Variants in TMEM108 observed in about 807,000 individuals in gnomAD.
TMEM108 encodes the protein cancer/testis antigen 124.
Under a neutral mutation model 35.1 loss-of-function variants are expected in TMEM108, and 12 were observed. The ratio of observed to expected loss-of-function variants is 0.34; its 90% CI spans 0.22 to 0.55. TMEM108 has a LOEUF of 0.55. Ranked by LOEUF, TMEM108 falls within the 20% of genes least tolerant of loss-of-function variation. The pLI is 0.89. For missense variants in TMEM108, 680 were observed against 753.3 expected (o/e 0.90, Z 1.14); for synonymous variants, 287 against 308.6 (o/e 0.93, Z 0.73).
intron 3 of TMEM108, among the ~76,000 whole-genome samples, chr3:133,367,004 T>C (rs1188875839): frequency 1.3e-5 from 2 of 152,322 alleles, no homozygotes; most frequent in East Asian, 1.9e-4. Context: ...GCAGTTGATA[T>C]AGCATTTTCA....
chr3:133,166,661 C>G (rs1945042755), intron 2 of TMEM108, among the ~76,000 whole-genome samples: 1 of 152,134 alleles, frequency 6.6e-6, no homozygotes, highest in South Asian at 2.1e-4. Flanking sequence ...TTCATTCCTC[C>G]CGGTGGGTTC....
At chr3:133,156,525 AT>A (rs1944884318) in intron 2 of TMEM108, among the ~76,000 whole-genome samples, 1 of 152,208 alleles carries the variant, frequency 6.6e-6, no homozygotes, top group Non-Finnish European at 1.5e-5. Context: ...TATTTATGTG[AT>A]TTAAGCAAGT....
At chr3:133,229,496 G>T (rs1946120231) in intron 3 of TMEM108, 145 bp downstream of exon 3, 1 of 622,616 alleles carries the variant, frequency 1.6e-6, no homozygotes, top group Non-Finnish European at 2.7e-6. Flanking sequence ...TCTAGATGAA[G>T]TATCAAGCGT....
intron 3 of TMEM108, among the ~76,000 whole-genome samples, chr3:133,311,980 G>C (rs2107712160): frequency 6.6e-6 from 1 of 152,322 alleles, no homozygotes; most frequent in East Asian, 1.9e-4. Context: ...CTCAGCTGCA[G>C]GTCTGTTGGA....
At chr3:133,254,473 A>G (rs2107670771) in intron 3 of TMEM108, among the ~76,000 whole-genome samples, 1 of 152,348 alleles carries the variant, frequency 6.6e-6, no homozygotes, top group Non-Finnish European at 1.5e-5. Flanking sequence ...ACAAATGGAA[A>G]TTCTCTTGGT....
Position 133,127,711 on chromosome 3 carries a change from G to A in TMEM108, c.-47+81691G>A, listed in dbSNP as rs560222467. ...ATGTCAGTGTATTTCCTGGTTATAG[G>A]CCCCCTTTATCTTTCTCATTGTTTC... On this transcript the variant is annotated intron_variant, in intron 2 of 5. Coordinates refer to ENST00000321871, the MANE Select transcript of TMEM108 (RefSeq NM_023943.4). Among the ~76,000 whole-genome samples, 4 of 152,172 alleles carry A rather than the reference G, an allele frequency of 2.6e-5. No homozygotes were observed. In the South Asian group the frequency reaches 6.2e-4, roughly 24 times the overall value.
At chr3:133,171,166 A>C (rs545850463) in intron 2 of TMEM108, among the ~76,000 whole-genome samples, 1 of 152,232 alleles carries the variant, frequency 6.6e-6, no homozygotes, top group African/African-American at 2.4e-5. Flanking sequence ...CTGTGTATCG[A>C]CATTATAGTT....
chr3:133,182,820 C>A (rs1330768871), intron 2 of TMEM108, among the ~76,000 whole-genome samples: 3 of 152,192 alleles, frequency 2.0e-5, no homozygotes, highest in Non-Finnish European at 2.9e-5. Flanking sequence ...GCCAGTGGTG[C>A]ATCTAACTCA....
intron 3 of TMEM108, among the ~76,000 whole-genome samples, chr3:133,269,570 G>A (rs75742992): frequency 0.013 from 1,940 of 152,280 alleles, 20 homozygotes; most frequent in Non-Finnish European, 0.017. Flanking sequence ...AAGTGAAAGG[G>A]AAACTGGTAC....
intron 3 of TMEM108, among the ~76,000 whole-genome samples, chr3:133,276,865 C>T (rs1209260626): frequency 1.3e-5 from 2 of 152,144 alleles, no homozygotes; most frequent in African/African-American, 4.8e-5. Flanking sequence ...GCATTCCTTG[C>T]CAAGATGGGG....
chr3:133,319,214 C>T (rs1471794504), intron 3 of TMEM108, among the ~76,000 whole-genome samples: 1 of 152,174 alleles, frequency 6.6e-6, no homozygotes, highest in Non-Finnish European at 1.5e-5. Context: ...GAGCTGGGTC[C>T]TGCCTAACAC....
intron 3 of TMEM108, among the ~76,000 whole-genome samples, chr3:133,306,393 T>A (rs909405562): frequency 2.6e-5 from 4 of 152,186 alleles, no homozygotes; most frequent in African/African-American, 9.7e-5. Context: ...ATACTTTAAG[T>A]TCTAGGGTAC....
At chr3:133,317,583 G>C (rs1030728187) in intron 3 of TMEM108, among the ~76,000 whole-genome samples, 5 of 146,386 alleles carry the variant, frequency 3.4e-5, no homozygotes, top group African/African-American at 1.2e-4. Context: ...AAGCAGAATA[G>C]AAATGTGATG....
At chr3:133,372,805 A>G (rs900726877) in intron 3 of TMEM108, among the ~76,000 whole-genome samples, 1 of 152,204 alleles carries the variant, frequency 6.6e-6, no homozygotes, top group Non-Finnish European at 1.5e-5. Context: ...ATAGTAGGGA[A>G]CATTTTAAAT....
intron 3 of TMEM108, among the ~76,000 whole-genome samples, chr3:133,333,370 CA>C (rs143504205): frequency 0.35 from 50,797 of 146,566 alleles, 8,885 homozygotes; most frequent in East Asian, 0.49. Context: ...GCCCCTCTTT[CA>C]AAAAAAAAAA....
intron 2 of TMEM108, among the ~76,000 whole-genome samples, chr3:133,070,002 G>T (rs1367203516): frequency 1.2e-4 from 18 of 151,840 alleles, no homozygotes. Context: ...CTGCATTTTT[G>T]CCCAGTCTTC....
chr3:133,101,774 G>A (rs956495955), intron 2 of TMEM108, among the ~76,000 whole-genome samples: 2 of 152,192 alleles, frequency 1.3e-5, no homozygotes, highest in Admixed American at 6.5e-5. Flanking sequence ...TCCTTTGAAT[G>A]TGGTTCCACC....
At chr3:133,077,318 T>A (rs184278247) in intron 2 of TMEM108, among the ~76,000 whole-genome samples, 1 of 152,286 alleles carries the variant, frequency 6.6e-6, no homozygotes, top group Admixed American at 6.5e-5. Context: ...CTACTCATAT[T>A]TTTTTCTCTT....
chr3:133,179,962 A>G (rs1271330655), intron 2 of TMEM108, among the ~76,000 whole-genome samples: 1 of 152,102 alleles, frequency 6.6e-6, no homozygotes, highest in Non-Finnish European at 1.5e-5. Flanking sequence ...GCTTTGAAAA[A>G]AAGAGAAAAA....
Sources: allele counts gnomAD v4.1 joint callset (sites outside exome capture counted in the v4.1 genomes callset), GRCh38; gene constraint gnomAD v4.1.1; transcripts MANE v1.5; gene names NCBI Gene and HGNC (gene_info 2026-07-23, HGNC 2026-07-21).